NAALADL2: variants seen among roughly 807,000 people sequenced by gnomAD.
NAALADL2 encodes N-acetylated alpha-linked acidic dipeptidase like 2, also known as inactive N-acetylated-alpha-linked acidic dipeptidase-like protein 2.
Under a neutral mutation model 87.2 loss-of-function variants are expected in NAALADL2, and 76 were observed. The observed-to-expected ratio is 0.87, with a 90% CI of 0.72 to 1.05. The LOEUF (loss-of-function observed/expected upper bound fraction) is 1.05, where lower values mean the gene tolerates loss of function less well. Among genes scored for constraint, NAALADL2 ranks in the 50% least tolerant of loss-of-function variants. NAALADL2 has a pLI of 0.00. For synonymous variants in NAALADL2, 354 were observed against 331.0 expected (o/e 1.07, Z -0.75); for missense variants, 1,089 against 945.8 (o/e 1.15, Z -1.99).
At chr3:174,855,308 C>T (rs901371796), upstream of NAALADL2, among the ~76,000 whole-genome samples, 2 of 152,134 alleles carry the variant, frequency 1.3e-5, no homozygotes, top group African/African-American at 4.8e-5. Context: ...ATTTTGGCTT[C>T]GTTATAATCT....
At chr3:175,573,432 T>C (rs1276803707) in intron 9 of NAALADL2, among the ~76,000 whole-genome samples, 1 of 152,194 alleles carries the variant, frequency 6.6e-6, no homozygotes, top group Non-Finnish European at 1.5e-5. Flanking sequence ...AATCTCGATT[T>C]CACAAATTCA....
At chr3:174,765,610 T>A (rs1713703280) in intron 3 of NAALADL2, among the ~76,000 whole-genome samples, 1 of 152,214 alleles carries the variant, frequency 6.6e-6, no homozygotes, top group South Asian at 2.1e-4. Flanking sequence ...ACAATGTTGC[T>A]TATCTTCAAG....
intron 9 of NAALADL2, among the ~76,000 whole-genome samples, chr3:175,525,239 T>A (rs1733229546): frequency 6.6e-6 from 1 of 152,146 alleles, no homozygotes; most frequent in African/African-American, 2.4e-5. Flanking sequence ...CATATTTATA[T>A]GTAATCTACC....
In NAALADL2 at chr3:174,752,680, A is replaced by G. The variant is rs542429215; in HGVS notation, c.-9+14934A>G. 5.3e-5 allele frequency among the ~76,000 whole-genome samples: 8 copies of G among 151,752 alleles called. No individual in the cohort carries two copies. The South Asian group carries it at 1.5e-3, about 28-fold the overall frequency. ...TTTGGTTTTGTTTGTGTAATATCCC[A>G]TTCCTTTTCTCTCTTGAAGTTAGCT... On this transcript the variant is annotated intron_variant, in intron 3 of 3. Coordinates refer to the NAALADL2 transcript ENST00000434257.
intron 5 of NAALADL2, among the ~76,000 whole-genome samples, chr3:175,398,351 T>TTG (rs1770096610): frequency 4.6e-5 from 6 of 131,760 alleles, no homozygotes; most frequent in African/African-American, 1.3e-4. Context: ...CTACTTTTTT[T>TTG]TTTTTTTTTT....
At chr3:175,072,421 T>C (rs1339708089) in intron 1 of NAALADL2, among the ~76,000 whole-genome samples, 1 of 151,986 alleles carries the variant, frequency 6.6e-6, no homozygotes, top group Non-Finnish European at 1.5e-5. Flanking sequence ...AATATTTGAA[T>C]ATGAACATTT....
intron 2 of NAALADL2, among the ~76,000 whole-genome samples, chr3:174,710,677 G>A (rs1342263951): frequency 6.6e-6 from 1 of 152,180 alleles, no homozygotes; most frequent in Non-Finnish European, 1.5e-5. Flanking sequence ...ATCTGGCAAA[G>A]AATGCAGGCA....
chr3:175,624,587 G>A (rs1726717417), intron 10 of NAALADL2, among the ~76,000 whole-genome samples: 1 of 151,734 alleles, frequency 6.6e-6, no homozygotes, highest in African/African-American at 2.4e-5. Flanking sequence ...CTCCTGATCT[G>A]ACTAAAAAGT....
chr3:175,311,319 T>C (rs1758336907), intron 4 of NAALADL2, among the ~76,000 whole-genome samples: 1 of 151,816 alleles, frequency 6.6e-6, no homozygotes, highest in South Asian at 2.1e-4. Context: ...AAGAAATCTA[T>C]AAAGTCACAT....
At chr3:175,560,362 G>A (rs1446126419) in intron 9 of NAALADL2, among the ~76,000 whole-genome samples, 1 of 151,032 alleles carries the variant, frequency 6.6e-6, no homozygotes, top group Non-Finnish European at 1.5e-5. Context: ...GACAATTTTT[G>A]TTTATCTTTT....
intron 1 of NAALADL2, among the ~76,000 whole-genome samples, chr3:174,970,807 C>G (rs916119389): frequency 9.9e-5 from 15 of 151,984 alleles, no homozygotes; most frequent in Admixed American, 7.9e-4. Flanking sequence ...TCTCATTAAC[C>G]CTTTCTCACA....
At chr3:175,469,596 C>G (rs1329748563) in intron 8 of NAALADL2, among the ~76,000 whole-genome samples, 1 of 151,982 alleles carries the variant, frequency 6.6e-6, no homozygotes, top group Non-Finnish European at 1.5e-5. Context: ...TAACATTTTG[C>G]TAAATAGGTT....
At chr3:175,562,115 G>A (rs571860152) in intron 9 of NAALADL2, among the ~76,000 whole-genome samples, 3 of 152,284 alleles carry the variant, frequency 2.0e-5, no homozygotes, top group Admixed American at 6.5e-5. Flanking sequence ...GTGGGGAAGA[G>A]AGAATTTCCA....
At chr3:175,006,053 G>C (rs984547395) in intron 1 of NAALADL2, among the ~76,000 whole-genome samples, 2 of 152,182 alleles carry the variant, frequency 1.3e-5, no homozygotes, top group African/African-American at 4.8e-5. Flanking sequence ...AATGAAATCT[G>C]TGCTTCAAGC....
intron 3 of NAALADL2, among the ~76,000 whole-genome samples, chr3:174,829,084 A>G (rs1239484515): frequency 1.3e-5 from 2 of 150,864 alleles, no homozygotes; most frequent in East Asian, 4.0e-4. Context: ...TTCAGGTATT[A>G]CATCTGTTTT....
intron 3 of NAALADL2, among the ~76,000 whole-genome samples, chr3:174,847,841 C>A (rs1193544190): frequency 2.7e-5 from 4 of 150,552 alleles, no homozygotes; most frequent in East Asian, 1.9e-4. Context: ...TTTCTTGGAA[C>A]TATAATTTCA....
intron 11 of NAALADL2, among the ~76,000 whole-genome samples, chr3:175,663,303 C>A (rs946137289): frequency 6.6e-6 from 1 of 151,672 alleles, no homozygotes; most frequent in Non-Finnish European, 1.5e-5. Flanking sequence ...GGAATTTACT[C>A]ATTTTTCTAG....
intron 1 of NAALADL2, among the ~76,000 whole-genome samples, chr3:174,882,016 G>T: frequency 6.6e-6 from 1 of 152,112 alleles, no homozygotes; most frequent in East Asian, 1.9e-4. Context: ...TTAGGCATAA[G>T]AACAAGATTT....
chr3:175,463,371 G>A (rs767854854), intron 6 of NAALADL2, 30 bp from the exon 7 acceptor site: 97 of 1,342,790 alleles, frequency 7.2e-5, no homozygotes, highest in Non-Finnish European at 1.7e-5. Flanking sequence ...ATATAAAGAA[G>A]CAAAAGTCTT....
Sources: gnomAD v4.1 joint callset for allele counts (sites outside exome capture counted in the v4.1 genomes callset) on GRCh38, gnomAD v4.1.1 for gene constraint, MANE v1.5 for transcripts, NCBI Gene and HGNC (gene_info 2026-07-23, HGNC 2026-07-21) for gene names.